Variants in ZNF83 observed in about 807,000 individuals in gnomAD.
ZNF83 encodes zinc finger protein 83, also known as zinc finger protein 816B.
For missense variants in ZNF83, 552 were observed against 629.9 expected (o/e 0.88, Z 1.32); for synonymous variants, 209 against 213.0 (o/e 0.98, Z 0.17).
intron 3 of ZNF83, chr19:52,655,509 G>A: frequency 7.1e-7 from 1 of 1,414,960 alleles, no homozygotes; most frequent in Non-Finnish European, 9.8e-7. Context: ...ACCAGGAAGA[G>A]CCAAGATAGA....
chr19:52,642,425 C>T (rs367811022), upstream of ZNF83, among the ~76,000 whole-genome samples: 5 of 151,942 alleles, frequency 3.3e-5, no homozygotes, highest in East Asian at 1.9e-4. Context: ...GGCACCACCA[C>T]GCCTGGCTAA....
chr19:52,672,051 T>C (rs2061733722), intron 1 of ZNF83, among the ~76,000 whole-genome samples: 1 of 152,052 alleles, frequency 6.6e-6, no homozygotes, highest in Non-Finnish European at 1.5e-5. Flanking sequence ...CTGGCTAACA[T>C]GGTGAAACCC....
intron 1 of ZNF83, among the ~76,000 whole-genome samples, chr19:52,685,958 C>A (rs1568586876): frequency 6.6e-6 from 1 of 151,396 alleles, no homozygotes; most frequent in African/African-American, 2.4e-5. Flanking sequence ...GCATTCCATG[C>A]CAATCCAACC....
intron 1 of ZNF83, among the ~76,000 whole-genome samples, chr19:52,666,088 C>T (rs1288543841): frequency 2.7e-5 from 4 of 148,158 alleles, no homozygotes; most frequent in South Asian, 2.2e-4. Context: ...GGTGTGAACC[C>T]GGGAGGCGGA....
chr19:52,677,491 G>GA (rs370364941), intron 1 of ZNF83, among the ~76,000 whole-genome samples: 1 of 150,376 alleles, frequency 6.6e-6, no homozygotes, highest in Admixed American at 6.6e-5. Flanking sequence ...GTCTCAAAAA[G>GA]AAAAAAAGAA....
intron 2 of ZNF83, among the ~76,000 whole-genome samples, chr19:52,621,102 C>T (rs2060526326): frequency 6.6e-6 from 1 of 152,196 alleles, no homozygotes. Context: ...TTCACAGGGA[C>T]ATACGTGACA....
chr19:52,618,532 G>T, intron 2 of ZNF83: 1 of 199,688 alleles, frequency 5.0e-6, no homozygotes, highest in Non-Finnish European at 1.0e-5. Context: ...AGAGTGCTGG[G>T]ATTACAGGCG....
At chr19:52,667,675 T>C (rs950277592) in intron 1 of ZNF83, among the ~76,000 whole-genome samples, 31 of 152,196 alleles carry the variant, frequency 2.0e-4, no homozygotes, top group Non-Finnish European at 3.2e-4. Context: ...AGGGGTAATA[T>C]CCAGTTTTTC....
intron 2 of ZNF83, among the ~76,000 whole-genome samples, chr19:52,623,517 A>G (rs2060624481): frequency 6.6e-6 from 1 of 152,114 alleles, no homozygotes; most frequent in African/African-American, 2.4e-5. Context: ...AGGCTGAGAC[A>G]TTTTAACCAA....
At chr19:52,679,802 C>G (rs375672085) in intron 1 of ZNF83, among the ~76,000 whole-genome samples, 14 of 152,250 alleles carry the variant, frequency 9.2e-5, no homozygotes, top group East Asian at 7.7e-4. Flanking sequence ...TTTATGCAAA[C>G]TCACTCCATA....
chr19:52,630,374 C>G (rs1170306602), intron 2 of ZNF83, among the ~76,000 whole-genome samples: 1 of 152,230 alleles, frequency 6.6e-6, no homozygotes, highest in Non-Finnish European at 1.5e-5. Flanking sequence ...ACATTACCTT[C>G]TTTTCAAGGG....
chr19:52,662,491 G>A (rs982770286), intron 1 of ZNF83, among the ~76,000 whole-genome samples: 3 of 152,086 alleles, frequency 2.0e-5, no homozygotes, highest in Admixed American at 6.5e-5. Flanking sequence ...GGCAGTGGGT[G>A]TGGACAGAGA....
intron 2 of ZNF83, among the ~76,000 whole-genome samples, chr19:52,626,114 CAA>C (rs2060728250): frequency 6.6e-6 from 1 of 152,076 alleles, no homozygotes; most frequent in East Asian, 1.9e-4. Context: ...ACCAAACAGA[CAA>C]AAAAGAGTTA....
intron 3 of ZNF83, chr19:52,652,807 T>A: frequency 1.1e-6 from 1 of 904,536 alleles, no homozygotes; most frequent in Non-Finnish European, 1.8e-6. Context: ...CTCATTGCAC[T>A]TATAAGGATT....
intron 2 of ZNF83, among the ~76,000 whole-genome samples, chr19:52,657,412 C>T (rs945606169): frequency 6.6e-6 from 1 of 151,988 alleles, no homozygotes; most frequent in African/African-American, 2.4e-5. Context: ...AGTTCGGAGA[C>T]CAGCCTCATC....
At chr19:52,634,955 C>A (rs1311036750) in intron 2 of ZNF83, 111 bp downstream of exon 2, 2 of 684,980 alleles carry the variant, frequency 2.9e-6, no homozygotes, top group Non-Finnish European at 5.0e-6. Flanking sequence ...TGAGTGTGAG[C>A]AAACCTGTCA....
intron 1 of ZNF83, among the ~76,000 whole-genome samples, chr19:52,666,618 CAAA>C (rs59937542): frequency 0.19 from 19,602 of 105,856 alleles, 1,969 homozygotes; most frequent in African/African-American, 0.35. Context: ...TATCCTAAGT[CAAA>C]AAAAAAAAAA....
Position 52,630,104 on chromosome 19 carries a change from T to A in ZNF83, c.-234+4962A>T, listed in dbSNP as rs373511983. Among the ~76,000 whole-genome samples, 23 of 152,288 alleles carry A rather than the reference T, an allele frequency of 1.5e-4. 2 individuals are homozygous for A. Among genetic ancestry groups the A allele is most frequent in the Admixed American group, 9.8e-4 (15 of 15,302 alleles). ...AATGCCCGCAGCCCAGGATTCCTCC[T>A]AAGCCGTGTCCCATCTGTGTGGGAC... On this transcript the variant is annotated intron_variant, in intron 2 of 2. Coordinates refer to ENST00000301096, the Ensembl canonical transcript of ZNF83.
At chr19:52,686,057 A>AT (rs1428950563) in intron 1 of ZNF83, among the ~76,000 whole-genome samples, 6 of 152,192 alleles carry the variant, frequency 3.9e-5, no homozygotes, top group Non-Finnish European at 7.3e-5. Context: ...AACAAATGAC[A>AT]TAAGGAAAGA....
Sources: allele counts gnomAD v4.1 joint callset (sites outside exome capture counted in the v4.1 genomes callset), GRCh38; gene constraint gnomAD v4.1.1; transcripts MANE v1.5; gene names NCBI Gene and HGNC (gene_info 2026-07-23, HGNC 2026-07-21).